WWTR1: variants seen among roughly 807,000 people sequenced by gnomAD.
The protein encoded by WWTR1 is WW domain containing transcription regulator 1, also known as WW domain-containing transcription regulator protein 1.
Under a neutral mutation model 40.1 loss-of-function variants are expected in WWTR1, and 13 were observed. That is an observed-to-expected ratio of 0.32 (90% CI 0.21 to 0.52). The LOEUF (loss-of-function observed/expected upper bound fraction) is 0.52, where lower values mean the gene tolerates loss of function less well. Among genes scored for constraint, WWTR1 ranks in the 20% least tolerant of loss-of-function variants. WWTR1 has a pLI of 0.97. For synonymous variants in WWTR1, 230 were observed against 210.1 expected, an observed-to-expected ratio of 1.09 and a Z score of -0.82; for missense variants, 436 against 523.1, an observed-to-expected ratio of 0.83 and a Z score of 1.63.
At chr3:149,620,981 A>G (rs78391783) in intron 2 of WWTR1, among the ~76,000 whole-genome samples, 2,740 of 152,294 alleles carry the variant, frequency 0.018, 45 homozygotes, top group Non-Finnish European at 0.023. Flanking sequence ...AAAAGAATCC[A>G]TGTCACCCTT....
chr3:149,626,846 T>C (rs982840136), intron 2 of WWTR1, among the ~76,000 whole-genome samples: 11 of 152,160 alleles, frequency 7.2e-5, no homozygotes, highest in Non-Finnish European at 1.6e-4. Flanking sequence ...GTTGAACACC[T>C]ACTCCGTCCT....
chr3:149,555,500 G>C (rs561765946), intron 3 of WWTR1, among the ~76,000 whole-genome samples: 1 of 149,956 alleles, frequency 6.7e-6, no homozygotes, highest in East Asian at 2.0e-4. Flanking sequence ...AAAAAAAAAC[G>C]AAAGAAGAAT....
intron 3 of WWTR1, among the ~76,000 whole-genome samples, chr3:149,552,338 C>T (rs1736647198): frequency 9.2e-6 from 1 of 109,076 alleles, no homozygotes; most frequent in Non-Finnish European, 2.0e-5. Flanking sequence ...GCACTAAATA[C>T]ATTCTCCCCA....
chr3:149,637,612 T>A (rs1398264347), intron 2 of WWTR1, among the ~76,000 whole-genome samples: 2 of 152,154 alleles, frequency 1.3e-5, no homozygotes, highest in African/African-American at 4.8e-5. Context: ...ACAACACCAG[T>A]TCCATATTCT....
chr3:149,568,565 A>C (rs1313261423), intron 3 of WWTR1, among the ~76,000 whole-genome samples: 1 of 130,130 alleles, frequency 7.7e-6, no homozygotes, highest in African/African-American at 2.9e-5. Context: ...AAAAAACCAT[A>C]TTTTTGCAAT....
At chr3:149,722,049 C>T (rs1482046314) in intron 4 of WWTR1, among the ~76,000 whole-genome samples, 3 of 152,028 alleles carry the variant, frequency 2.0e-5, no homozygotes, top group Non-Finnish European at 2.9e-5. Flanking sequence ...TCTTAAAATC[C>T]TTTTTATTTC....
Position 149,542,126 on chromosome 3 carries a change from C to T in WWTR1, c.771+209G>A, listed in dbSNP as rs535069185. Among the ~76,000 whole-genome samples, 6 of 152,350 alleles carry T rather than the reference C, an allele frequency of 3.9e-5. No homozygotes were observed. In the South Asian group the frequency reaches 6.2e-4, roughly 16 times the overall value. Reference sequence around the variant, plus strand: ...CAAAGGCAGCCATGCTAATACAGCTCGTCCTTGTACCCTTAAGCTTCGTTC... The same window carrying T: ...CAAAGGCAGCCATGCTAATACAGCTTGTCCTTGTACCCTTAAGCTTCGTTC... On this transcript the variant is annotated intron_variant, in intron 4 of 6. Transcript: ENST00000360632.
At chr3:149,672,150 C>T (rs958710974) in intron 1 of WWTR1, among the ~76,000 whole-genome samples, 1 of 151,930 alleles carries the variant, frequency 6.6e-6, no homozygotes, top group Non-Finnish European at 1.5e-5. Context: ...AACAAACAAA[C>T]AAACAAAAAA....
intron 4 of WWTR1, among the ~76,000 whole-genome samples, chr3:149,541,751 G>C (rs974813073): frequency 2.0e-4 from 30 of 152,058 alleles, no homozygotes; most frequent in African/African-American, 6.8e-4. Context: ...GCTATGGAAT[G>C]AGTACCACTA....
At chr3:149,667,982 G>T (rs761266127) in intron 2 of WWTR1, among the ~76,000 whole-genome samples, 1 of 152,208 alleles carries the variant, frequency 6.6e-6, no homozygotes, top group Non-Finnish European at 1.5e-5. Context: ...AAAAAATTCT[G>T]TAACTGCTGT....
chr3:149,647,407 G>T (rs886686357), intron 2 of WWTR1, among the ~76,000 whole-genome samples: 1 of 152,192 alleles, frequency 6.6e-6, no homozygotes, highest in African/African-American at 2.4e-5. Flanking sequence ...CATCCTCAGG[G>T]AACTGGGCCT....
intron 3 of WWTR1, among the ~76,000 whole-genome samples, chr3:149,567,818 T>C (rs1395627900): frequency 6.6e-6 from 1 of 152,122 alleles, no homozygotes; most frequent in Non-Finnish European, 1.5e-5. Context: ...ACCCAATACA[T>C]AAACGTCTAA....
chr3:149,618,870 C>G (rs375188199), intron 2 of WWTR1, among the ~76,000 whole-genome samples: 90 of 152,240 alleles, frequency 5.9e-4, no homozygotes, highest in African/African-American at 1.6e-3. Context: ...TCTCCTCCCC[C>G]CTCCCCACCA....
intron 5 of WWTR1, among the ~76,000 whole-genome samples, chr3:149,708,888 T>C (rs1212082758): frequency 6.6e-6 from 1 of 152,216 alleles, no homozygotes; most frequent in Non-Finnish European, 1.5e-5. Flanking sequence ...AGAATCTCCA[T>C]ACTGTTTTCC....
chr3:149,539,227 T>C (rs989981934), intron 4 of WWTR1, among the ~76,000 whole-genome samples: 2 of 152,058 alleles, frequency 1.3e-5, no homozygotes, highest in African/African-American at 4.8e-5. Context: ...GGAAGAAAAA[T>C]GAAACAATAT....
At position 149,519,140 on chromosome 3, in the gene WWTR1, A is replaced by G. The variant is rs1278623187; in HGVS notation, c.*1665T>C. ...ATTATAAATAATATTAGTTCAAAAT[A>G]TTAAACAGTTGAGGACTTCATTGGC... is the stretch of plus-strand genomic sequence containing the variant. On this transcript the variant is annotated 3_prime_UTR_variant, in exon 7 of 7. Coordinates refer to ENST00000360632, the MANE Select transcript of WWTR1 (RefSeq NM_015472.6). 2 of 152,204 alleles carry G rather than the reference A, an allele frequency of 1.3e-5. No homozygotes were observed. The highest frequency in any genetic ancestry group is 2.9e-5 in the Non-Finnish European group (2 of 68,038). 9.4% of individuals were successfully genotyped at this position (152,204 alleles called of 1,614,324 possible). A position where few individuals can be genotyped will look rare whatever the true frequency, so the allele number is the denominator to read the frequency against.
chr3:149,687,489 T>C (rs922629193), intron 1 of WWTR1, among the ~76,000 whole-genome samples: 2 of 152,248 alleles, frequency 1.3e-5, no homozygotes, highest in Non-Finnish European at 2.9e-5. Flanking sequence ...TCCAGACTTT[T>C]ACAACCAATT....
chr3:149,521,315 TTACAGAAC>T (rs1735035847), intron 6 of WWTR1, among the ~76,000 whole-genome samples: 1 of 152,224 alleles, frequency 6.6e-6, no homozygotes, highest in Non-Finnish European at 1.5e-5. Flanking sequence ...AAACAGCTTA[TTACAGAAC>T]TATAATCTAC....
intron 3 of WWTR1, among the ~76,000 whole-genome samples, chr3:149,558,357 A>G (rs1736937016): frequency 1.3e-5 from 2 of 152,238 alleles, no homozygotes; most frequent in Admixed American, 1.3e-4. Flanking sequence ...ATGTTCTGTG[A>G]AGCTTAACTG....
Sources: allele counts gnomAD v4.1 joint callset (sites outside exome capture counted in the v4.1 genomes callset), GRCh38; gene constraint gnomAD v4.1.1; transcripts MANE v1.5; gene names NCBI Gene and HGNC (gene_info 2026-07-23, HGNC 2026-07-21).